DEPTOR: variants seen among roughly 807,000 people sequenced by gnomAD.
DEPTOR encodes the protein DEP domain-containing mTOR-interacting protein.
Under a neutral mutation model 41.6 loss-of-function variants are expected in DEPTOR, and 41 were observed. The ratio of observed to expected loss-of-function variants is 0.98; its 90% confidence interval spans 0.77 to 1.28. The LOEUF (loss-of-function observed/expected upper bound fraction) is 1.28. DEPTOR is among the 50% of genes most tolerant of loss of function. The pLI, the probability that DEPTOR is intolerant of heterozygous loss-of-function variation, is 0.00. For synonymous variants in DEPTOR, 195 were observed against 192.3 expected, an observed-to-expected ratio of 1.01 and a Z score of -0.12; for missense variants, 514 against 527.9, an observed-to-expected ratio of 0.97 and a Z score of 0.26.
intron 3 of DEPTOR, among the ~76,000 whole-genome samples, chr8:119,938,395 T>C (rs1457799277): frequency 6.6e-6 from 1 of 152,226 alleles, no homozygotes; most frequent in Non-Finnish European, 1.5e-5. Context: ...GGGTATTTAA[T>C]AACTTTAGAA....
chr8:119,938,806 A>AGCCT (rs1334272032), intron 3 of DEPTOR, among the ~76,000 whole-genome samples: 1 of 151,976 alleles, frequency 6.6e-6, no homozygotes, highest in East Asian at 1.9e-4. Flanking sequence ...CACCACACCC[A>AGCCT]GCCTGCCTGC....
At chr8:120,038,592 CAAA>C (rs34679088) in intron 8 of DEPTOR, among the ~76,000 whole-genome samples, 9 of 108,508 alleles carry the variant, frequency 8.3e-5, no homozygotes, top group Non-Finnish European at 1.2e-4. Flanking sequence ...GACCCTATCT[CAAA>C]AAAAAAAAAA....
At chr8:120,025,437 A>T (rs968345256) in intron 8 of DEPTOR, among the ~76,000 whole-genome samples, 9 of 152,082 alleles carry the variant, frequency 5.9e-5, no homozygotes, top group African/African-American at 1.7e-4. Flanking sequence ...AGAGCCTGTG[A>T]GAGAGAGAGA....
intron 1 of DEPTOR, among the ~76,000 whole-genome samples, chr8:119,908,607 G>A (rs562162983): frequency 2.0e-5 from 3 of 151,992 alleles, no homozygotes; most frequent in African/African-American, 4.8e-5. Context: ...TCTGGAGTGG[G>A]GGCAGTCTTG....
chr8:120,047,206 G>A (rs1185216951), intron 8 of DEPTOR, among the ~76,000 whole-genome samples: 1 of 151,976 alleles, frequency 6.6e-6, no homozygotes, highest in Non-Finnish European at 1.5e-5. Context: ...ATTTTTAGTA[G>A]AGATGGGGTT....
chr8:119,944,132 T>G (rs114431950), intron 3 of DEPTOR, among the ~76,000 whole-genome samples: 2,714 of 152,174 alleles, frequency 0.018, 72 homozygotes, highest in African/African-American at 0.062. Flanking sequence ...TAGCCACCGC[T>G]CTGGGCCTAA....
chr8:119,920,146 T>C (rs1371681070), intron 1 of DEPTOR, among the ~76,000 whole-genome samples: 1 of 152,122 alleles, frequency 6.6e-6, no homozygotes, highest in Non-Finnish European at 1.5e-5. Context: ...AAAATGCAGC[T>C]AAAATACAGA....
chr8:119,907,483 AAT>A (rs1236212590), intron 1 of DEPTOR, among the ~76,000 whole-genome samples: 1 of 152,214 alleles, frequency 6.6e-6, no homozygotes, highest in Non-Finnish European at 1.5e-5. Context: ...AATAGAAAGA[AAT>A]AGACACCATG....
At chr8:119,959,608 C>G (rs575690367) in intron 3 of DEPTOR, among the ~76,000 whole-genome samples, 3 of 151,438 alleles carry the variant, frequency 2.0e-5, no homozygotes, top group African/African-American at 7.3e-5. Context: ...TTCACTGCAA[C>G]CTCTGCCTGC....
intron 6 of DEPTOR, among the ~76,000 whole-genome samples, chr8:120,005,787 G>A (rs983114419): frequency 2.0e-5 from 3 of 152,266 alleles, no homozygotes; most frequent in Admixed American, 6.5e-5. Flanking sequence ...TTAGGCAGCC[G>A]CAAGTCAGGA....
chr8:120,008,629 T>G (rs190122561), intron 7 of DEPTOR, among the ~76,000 whole-genome samples: 2 of 152,006 alleles, frequency 1.3e-5, no homozygotes, highest in Admixed American at 1.3e-4. Context: ...GAGTGTATCA[T>G]TTGGATACTG....
intron 1 of DEPTOR, among the ~76,000 whole-genome samples, chr8:119,914,189 G>A (rs1198834810): frequency 6.6e-6 from 1 of 150,750 alleles, no homozygotes. Context: ...GGGACGACAG[G>A]CGAGTGCCAC....
intron 1 of DEPTOR, among the ~76,000 whole-genome samples, chr8:119,915,823 T>C (rs1037159037): frequency 1.3e-5 from 2 of 152,054 alleles, no homozygotes; most frequent in Non-Finnish European, 2.9e-5. Flanking sequence ...CCTGGACTTT[T>C]CTCTGCTTTG....
At chr8:120,035,400 A>G (rs999947275) in intron 8 of DEPTOR, among the ~76,000 whole-genome samples, 9 of 152,156 alleles carry the variant, frequency 5.9e-5, no homozygotes, top group African/African-American at 2.2e-4. Flanking sequence ...ACTCAAAATT[A>G]CAGGGTATTC....
intron 4 of DEPTOR, among the ~76,000 whole-genome samples, chr8:119,978,530 G>T (rs184551120): frequency 6.6e-6 from 1 of 152,116 alleles, no homozygotes. Context: ...GGAGACAAGG[G>T]GACCAAAAGT....
intron 8 of DEPTOR, among the ~76,000 whole-genome samples, chr8:120,030,834 CA>C (rs1812880366): frequency 6.6e-6 from 1 of 151,588 alleles, no homozygotes; most frequent in Non-Finnish European, 1.5e-5. Flanking sequence ...CTCGCTCTGT[CA>C]CCCAGGCTAG....
Position 119,924,146 on chromosome 8 carries a change from G to A in DEPTOR, c.123-4254G>A, listed in dbSNP as rs558693388. ...TTGTTTTACAGCTTAAGGGCTCCTG[G>A]TGATGGAAGGAGAGAGTCTTGCTTC... On this transcript the variant is annotated intron_variant, in intron 1 of 8. Transcript: ENST00000286234. Among the ~76,000 whole-genome samples the A allele has an allele frequency of 2.0e-5, 3 of 152,252 alleles. No homozygotes were observed. The South Asian group carries it at 6.2e-4, about 32-fold the overall frequency.
intron 4 of DEPTOR, among the ~76,000 whole-genome samples, chr8:119,971,532 C>T (rs1828633913): frequency 6.6e-6 from 1 of 152,154 alleles, no homozygotes; most frequent in South Asian, 2.1e-4. Context: ...CCACAGACTT[C>T]AGTCTTTCTT....
At chr8:120,015,422 G>A (rs1486466209) in intron 8 of DEPTOR, among the ~76,000 whole-genome samples, 3 of 152,150 alleles carry the variant, frequency 2.0e-5, no homozygotes, top group Non-Finnish European at 4.4e-5. Context: ...AGAATTGATG[G>A]CTTAAATGAC....
Sources: allele counts gnomAD v4.1 joint callset (sites outside exome capture counted in the v4.1 genomes callset), GRCh38; gene constraint gnomAD v4.1.1; transcripts MANE v1.5; gene names NCBI Gene and HGNC (gene_info 2026-07-23, HGNC 2026-07-21).